SYNE2: variants seen among roughly 807,000 people sequenced by gnomAD.
The protein encoded by SYNE2 is nesprin-2.
In SYNE2, 431 loss-of-function variants were observed where a neutral mutation model predicts 856.3. That is an observed-to-expected ratio of 0.50 (90% CI 0.47 to 0.55). The LOEUF (loss-of-function observed/expected upper bound fraction) is 0.55. Among genes scored for constraint, SYNE2 ranks in the 20% least tolerant of loss-of-function variants. The pLI is 0.00. For synonymous variants in SYNE2, 2,923 were observed against 2,872.3 expected (o/e 1.02, Z -0.56); for missense variants, 8,129 against 8,023.2 (o/e 1.01, Z -0.50).
At chr14:63,892,369 C>T (rs1267143754) in intron 1 of SYNE2, among the ~76,000 whole-genome samples, 6 of 151,918 alleles carry the variant, frequency 3.9e-5, no homozygotes, top group African/African-American at 1.2e-4. Flanking sequence ...TCCATTCCCC[C>T]CAACCTTTTT....
rs370516804 is a variant in SYNE2 at position 63,977,989 on chromosome 14, C to T, written c.1378C>T (p.Pro460Ser). The part of the protein sequence containing the change: ...KDENHLPLVP[P>S]NKLEEMKRRI... ...TGAAAATCACTTGCCATTGGTACCA[C>T]CTAACAAATTGGAGGAAATGAAAAG... The change falls in exon 13 of 116, where the codon CCT (proline) becomes TCT (serine). Residue 460 changes from proline to serine, a missense_variant. Physicochemically the swap from Pro to Ser is moderately conservative, Grantham distance 74. Transcript: ENST00000555002. 14 of 1,612,880 alleles carry T rather than the reference C, an allele frequency of 8.7e-6. No individual in the cohort carries two copies. The highest frequency in any genetic ancestry group is 1.2e-5 in the Non-Finnish European group (14 of 1,178,964).
At chr14:64,022,954 C>A in intron 38 of SYNE2, 91 bp downstream of exon 38, 1 of 754,676 alleles carries the variant, frequency 1.3e-6, no homozygotes, top group Non-Finnish European at 2.3e-6. Context: ...GGAGGCTGGG[C>A]ATGGTAACTC....
chr14:63,803,625 G>C (rs985178734), intron 1 of SYNE2, among the ~76,000 whole-genome samples: 2 of 152,186 alleles, frequency 1.3e-5, no homozygotes, highest in Non-Finnish European at 2.9e-5. Flanking sequence ...ACGCAGCCCC[G>C]GTTCCTGCTC....
upstream of SYNE2, among the ~76,000 whole-genome samples, chr14:63,851,303 G>A (rs556881141): frequency 1.3e-5 from 2 of 152,354 alleles, no homozygotes; most frequent in South Asian, 2.1e-4. Context: ...AGAGTTTGCA[G>A]TAAGCCAAGA....
intron 1 of SYNE2, among the ~76,000 whole-genome samples, chr14:63,839,053 C>T (rs1014184451): frequency 4.0e-5 from 6 of 151,292 alleles, no homozygotes; most frequent in Admixed American, 1.3e-4. Context: ...TTTTTTTAGA[C>T]GGGGTCTCAT....
At chr14:63,991,755 T>C (rs1409002597) in intron 21 of SYNE2, among the ~76,000 whole-genome samples, 6 of 152,144 alleles carry the variant, frequency 3.9e-5, no homozygotes, top group Non-Finnish European at 8.8e-5. Context: ...TGGAGCAAAT[T>C]GGAGAGGTAG....
chr14:63,824,943 C>G (rs1390550554), intron 1 of SYNE2, among the ~76,000 whole-genome samples: 7 of 151,854 alleles, frequency 4.6e-5, no homozygotes, highest in Non-Finnish European at 1.0e-4. Context: ...ACCAGCCTGG[C>G]CAACACAGTG....
intron 1 of SYNE2, among the ~76,000 whole-genome samples, chr14:63,880,633 C>G (rs1406751781): frequency 4.8e-5 from 7 of 146,014 alleles, no homozygotes; most frequent in Non-Finnish European, 1.1e-4. Flanking sequence ...TTCTGTTGAT[C>G]TTAGTATTTT....
chr14:64,202,709 C>T lies in SYNE2; in HGVS notation c.18039-92C>T, dbSNP rs1052633866. On this transcript the variant is annotated intron_variant, in intron 99 of 115. Coordinates refer to ENST00000555002, the MANE Select transcript of SYNE2 (RefSeq NM_182914.3). ...TCTTTTTTACCCTGCAATGCTCTTA[C>T]TGGCACATTCTTCCACCACTAAGTA... 71 of 1,535,386 alleles carry T rather than the reference C, an allele frequency of 4.6e-5. 1 individual carries two copies. In the African/African-American group the frequency reaches 7.5e-4, roughly 16 times the overall value.
chr14:63,949,420 T>G (rs1364664311), intron 6 of SYNE2, among the ~76,000 whole-genome samples: 1 of 152,236 alleles, frequency 6.6e-6, no homozygotes, highest in African/African-American at 2.4e-5. Flanking sequence ...CTATCTTTTT[T>G]TCTATGTGTA....
intron 1 of SYNE2, among the ~76,000 whole-genome samples, chr14:63,810,756 T>G (rs1438228556): frequency 6.6e-6 from 1 of 152,254 alleles, no homozygotes; most frequent in Non-Finnish European, 1.5e-5. Flanking sequence ...AGCAATTTAG[T>G]AAAGTACTTT....
At chr14:64,054,729 G>C (rs998805878) in intron 48 of SYNE2, among the ~76,000 whole-genome samples, 3 of 152,170 alleles carry the variant, frequency 2.0e-5, no homozygotes, top group African/African-American at 7.2e-5. Flanking sequence ...CCTTTTGGTA[G>C]AGTGGATATC....
intron 74 of SYNE2, among the ~76,000 whole-genome samples, chr14:64,129,045 C>A (rs35852840): frequency 0.037 from 5,573 of 152,310 alleles, 150 homozygotes; most frequent in Admixed American, 0.066. Context: ...TGGTGGCTCA[C>A]GCCTGTAATC....
Position 64,080,541 on chromosome 14 carries a change from G to C in SYNE2, c.11249G>C (p.Gly3750Ala). ...CAGGACATTGTTGAACAGGACCCAGGACAGGCTCAAGAATGGATGGATAAC... is the reference window on the plus strand; with the variant it reads ...CAGGACATTGTTGAACAGGACCCAGCACAGGCTCAAGAATGGATGGATAAC... ...EVQDIVEQDP[G>A]QAQEWMDNLM... The change falls in exon 56 of 116, where the codon GGA (glycine) becomes GCA (alanine). Residue 3750 changes from glycine (G) to alanine (A), a missense_variant. Physicochemically the swap from Gly to Ala is moderately conservative, Grantham distance 60. This residue lies in a region of SYNE2 where 5,410 missense variants were observed against 5,284.8 expected (regional missense o/e 1.02). Transcript: ENST00000555002. 6.2e-7 allele frequency: 1 copy of C among 1,614,142 alleles called. No homozygotes were observed. Among genetic ancestry groups the C allele is most frequent in the Non-Finnish European group, 8.5e-7 (1 of 1,180,024 alleles).
intron 1 of SYNE2, among the ~76,000 whole-genome samples, chr14:63,813,824 C>A (rs1335160731): frequency 1.3e-5 from 2 of 152,072 alleles, no homozygotes; most frequent in South Asian, 2.1e-4. Flanking sequence ...GAGGCCAAGG[C>A]AGGTGGATCA....
chr14:64,212,026 G>A lies in SYNE2; in HGVS notation c.18789G>A (p.Glu6263=), dbSNP rs1192435469. 5 of 1,614,098 alleles carry A rather than the reference G, an allele frequency of 3.1e-6. No homozygotes were observed. Among genetic ancestry groups the A allele is most frequent in the Non-Finnish European group, 4.2e-6 (5 of 1,180,056 alleles). The stretch of plus-strand genomic sequence containing the variant: ...AGAGCATTCTGGTGTGGCTCACAGA[G>A]ATGGACCTGCAGCTGACCAACGTGG... ...TRESILVWLT[E]MDLQLTNVEH... Residue 6263 remains glutamate, a synonymous_variant, in exon 104 of 116, where the codon GAG becomes GAA. Transcript: ENST00000555002.
chr14:64,162,498 C>A (rs2098337267), intron 88 of SYNE2: 1 of 593,690 alleles, frequency 1.7e-6, no homozygotes, highest in South Asian at 1.8e-5. Flanking sequence ...CTCGATATCA[C>A]CTCGTTCCAA....
At chr14:64,130,682 C>G (rs145160226) in intron 76 of SYNE2, among the ~76,000 whole-genome samples, 1 of 151,862 alleles carries the variant, frequency 6.6e-6, no homozygotes, top group Non-Finnish European at 1.5e-5. Flanking sequence ...GTCAGGAGTT[C>G]GAGACCAGCC....
intron 41 of SYNE2, 37 bp from the exon 42 acceptor site, chr14:64,026,533 CTAAGTAATG>C: frequency 6.8e-7 from 1 of 1,476,786 alleles, no homozygotes; most frequent in Middle Eastern, 2.2e-4. Context: ...TGTAGTATCT[CTAAGTAATG>C]CAAATGACAT....
Sources: gnomAD v4.1 joint callset for allele counts (sites outside exome capture counted in the v4.1 genomes callset) on GRCh38, gnomAD v4.1.1 for gene constraint, gnomAD v4.1.1 regional missense constraint, MANE v1.5 for transcripts, NCBI Gene and HGNC (gene_info 2026-07-23, HGNC 2026-07-21) for gene names.